The following FAM78A variants were observed in gnomAD, a reference collection of about 807,000 sequenced individuals.
FAM78A encodes the protein family with sequence similarity 78 member A, also known as protein FAM78A.
In FAM78A, 12 loss-of-function variants were observed where a neutral mutation model predicts 22.6. The ratio of observed to expected loss-of-function variants is 0.53; its 90% CI spans 0.34 to 0.86. The LOEUF (loss-of-function observed/expected upper bound fraction) is 0.86. Ranked by LOEUF, FAM78A falls within the 40% of genes least tolerant of loss-of-function variation. The pLI is 0.02. For missense variants in FAM78A, 322 were observed against 396.1 expected, an observed-to-expected ratio of 0.81 and a Z score of 1.59; for synonymous variants, 151 against 155.8, an observed-to-expected ratio of 0.97 and a Z score of 0.23.
upstream of FAM78A, among the ~76,000 whole-genome samples, chr9:131,277,122 G>T (rs1261271273): frequency 1.3e-5 from 2 of 150,152 alleles, no homozygotes; most frequent in Non-Finnish European, 3.0e-5. This position sits in a 1 kb window ranked among gnomAD's most constrained non-coding sequence, Gnocchi z 8.4. Context: ...CGCCCGCCCC[G>T]TCAGTGGCGG....
rs1346051596 is a variant in FAM78A at position 131,276,264 on chromosome 9, A to C, written c.-85T>G. ...CAAGACCGATATCCATAGGATAGAA[A>C]ACTCACTGAGTAGACTGGGGTTGCA... On this transcript the variant is annotated 5_prime_UTR_variant, in exon 1 of 2. Coordinates refer to ENST00000372271, the MANE Select transcript of FAM78A (RefSeq NM_033387.4). The surrounding 1 kb of genome is among the most constrained non-coding windows in gnomAD (Gnocchi z 4.3). 6.8e-6 allele frequency: 8 copies of C among 1,173,956 alleles called. No individual in the cohort carries two copies. In the East Asian group the frequency reaches 2.0e-4, roughly 29 times the overall value. 72.7% of individuals were successfully genotyped at this position (1,173,956 alleles called of 1,614,324 possible).
At position 131,261,338 on chromosome 9, in the gene FAM78A, C is replaced by T; in HGVS notation, c.336G>A (p.Glu112=). 6.3e-7 allele frequency: 1 copy of T among 1,587,552 alleles called. No individual in the cohort carries two copies. The highest frequency in any genetic ancestry group is 8.5e-7 in the Non-Finnish European group (1 of 1,173,236). ...TCTTGCCCTCCTGGAGGTCGGGGAGCTCCCAGCTGGACCTGAGGACAAGGA... is the reference window on the plus strand; with the variant it reads ...TCTTGCCCTCCTGGAGGTCGGGGAGTTCCCAGCTGGACCTGAGGACAAGGA... ...QYGEQGMSSW[E]LPDLQEGKIQ... is the part of the protein sequence containing the mutation. The change falls in exon 2 of 2, where the codon GAG becomes GAA. Residue 112 remains glutamate (E), a synonymous_variant. Coordinates refer to ENST00000372271, the MANE Select transcript of FAM78A (RefSeq NM_033387.4). This position sits in a 1 kb window ranked among gnomAD's most constrained non-coding sequence, Gnocchi z 7.1.
intron 1 of FAM78A, among the ~76,000 whole-genome samples, chr9:131,269,809 C>T (rs1055884154): frequency 2.0e-5 from 3 of 152,054 alleles, no homozygotes; most frequent in Admixed American, 6.6e-5. Context: ...TTCTCCCCTT[C>T]GCGTGATCAT....
chr9:131,264,307 C>A, intron 1 of FAM78A: 1 of 437,404 alleles, frequency 2.3e-6, no homozygotes, highest in Non-Finnish European at 4.1e-6. Context: ...CTGGCTCAGG[C>A]AAAGACAGGT....
rs74653616 is a variant in FAM78A, at chr9:131,260,300, C to A, written c.*522G>T. The A allele has an allele frequency of 0.035, 5,423 of 153,176 alleles. 329 individuals are homozygous for A. Among genetic ancestry groups the A allele is most frequent in the African/African-American group, 0.12 (5,170 of 41,504 alleles). 9.5% of individuals were successfully genotyped at this position (153,176 alleles called of 1,614,324 possible). ...TTTCTCCGATTGGTTTTCTTCCTTT[C>A]AATTCAGCTTAAGGCAAAAGTTTGG... On this transcript the variant is annotated 3_prime_UTR_variant, in exon 2 of 2. Coordinates refer to ENST00000372271, the MANE Select transcript of FAM78A (RefSeq NM_033387.4). This position sits in a 1 kb window ranked among gnomAD's most constrained non-coding sequence, Gnocchi z 5.4.
chr9:131,262,243 A>G (rs773062801), intron 1 of FAM78A, among the ~76,000 whole-genome samples: 1 of 150,884 alleles, frequency 6.6e-6, no homozygotes, highest in Admixed American at 6.6e-5. Context: ...GGCAGGAGAC[A>G]GAGGTTGCAG....
At position 131,260,911 on chromosome 9, in the gene FAM78A, C is replaced by T; in HGVS notation, c.763G>A (p.Val255Ile). Residue 255 changes from valine to isoleucine, a missense_variant, in exon 2 of 2, where the codon GTC (valine) becomes ATC (isoleucine). By Grantham distance (29) the Val-to-Ile change is conservative (BLOSUM62 3). Coordinates refer to ENST00000372271, the MANE Select transcript of FAM78A (RefSeq NM_033387.4). This position sits in a 1 kb window ranked among gnomAD's most constrained non-coding sequence, Gnocchi z 5.4. ...KNEPIPPSAL[V>I]KPNANDAQVL... is the part of the protein sequence containing the mutation. The stretch of plus-strand genomic sequence containing the variant: ...TGGGCATCGTTGGCATTGGGCTTGA[C>T]CAGGGCGCTGGGCGGGATGGGCTCA... The T allele has an allele frequency of 6.3e-7, 1 of 1,584,858 alleles. No individual in the cohort carries two copies. Among genetic ancestry groups the T allele is most frequent in the South Asian group, 1.1e-5 (1 of 87,480 alleles).
At chr9:131,264,725 C>CTTTT (rs1564236515) in intron 1 of FAM78A, 5 of 431,882 alleles carry the variant, frequency 1.2e-5, no homozygotes, top group Non-Finnish European at 1.7e-5. Context: ...CCTTTTCTGA[C>CTTTT]CTTTTTTTTT....
In FAM78A at chr9:131,258,098, T is replaced by C. The variant is rs1401456828; in HGVS notation, c.*2724A>G. The C allele has an allele frequency of 6.6e-6, 1 of 151,022 alleles. No homozygotes were observed. The highest frequency in any genetic ancestry group is 1.5e-5 in the Non-Finnish European group (1 of 67,866). The allele number at this position is 151,022 out of a possible 1,614,324, so 9.4% of individuals were successfully genotyped here. On this transcript the variant is annotated 3_prime_UTR_variant, in exon 2 of 2. Transcript: ENST00000372271. ...AAGCCTACTTTAAAATTACATTTTA[T>C]TTCTCTTTATGAATATTTGCTTTTT...
At position 131,276,342 on chromosome 9, in the gene FAM78A, G is replaced by C. The variant is rs150002250; in HGVS notation, c.-163C>G. 7.6e-4 allele frequency: 440 copies of C among 575,578 alleles called. 2 individuals carry two copies. Among genetic ancestry groups the C allele is most frequent in the African/African-American group, 7.4e-3 (394 of 53,554 alleles). 35.7% of individuals were successfully genotyped at this position (575,578 alleles called of 1,614,324 possible). On this transcript the variant is annotated 5_prime_UTR_variant, in exon 1 of 2. Coordinates refer to ENST00000372271, the MANE Select transcript of FAM78A (RefSeq NM_033387.4). This position sits in a 1 kb window ranked among gnomAD's most constrained non-coding sequence, Gnocchi z 4.3. ...ATAAGGATTCTGCTGCATTTCATGA[G>C]CCCTGGGCTCTCTCTTCTTCTCCTC...
intron 1 of FAM78A, among the ~76,000 whole-genome samples, chr9:131,268,051 C>CAAA (rs397894549): frequency 3.8e-5 from 2 of 52,384 alleles, no homozygotes; most frequent in African/African-American, 1.1e-4. Context: ...GACTCTGTCT[C>CAAA]AAAAAAAAAA....
Position 131,258,145 on chromosome 9 carries a change from G to T in FAM78A, c.*2677C>A, listed in dbSNP as rs1172839730. 1 of 150,514 alleles carries T rather than the reference G, an allele frequency of 6.6e-6. No homozygotes were observed. Among genetic ancestry groups the T allele is most frequent in the Non-Finnish European group, 1.5e-5 (1 of 66,912 alleles). 9.3% of individuals were successfully genotyped at this position (150,514 alleles called of 1,614,324 possible). ...TTTTGTTTTTTGTAAAAAAAAAAAG[G>T]TTCATTGTACATCTTCTTCAAGAGT... On this transcript the variant is annotated 3_prime_UTR_variant, in exon 2 of 2. Coordinates refer to ENST00000372271, the MANE Select transcript of FAM78A (RefSeq NM_033387.4).
rs1278668852 is a variant in FAM78A at position 131,260,832 on chromosome 9, T to C, written c.842A>G (p.Lys281Arg). 3 of 1,517,926 alleles carry C rather than the reference T, an allele frequency of 2.0e-6. No homozygotes were observed. The highest frequency in any genetic ancestry group is 2.6e-6 in the Non-Finnish European group (3 of 1,133,656). 94.0% of individuals were successfully genotyped at this position (1,517,926 alleles called of 1,614,324 possible). A position where few individuals can be genotyped will look rare whatever the true frequency, so the allele number is the denominator to read the frequency against. Reference protein sequence around the residue: ...YGQPLVVIPPKHR With the variant: ...YGQPLVVIPPRHR ...GGGTGGTCCTGGCTGTCACCGGTGCTTGGGCGGGATCACCACCAGCGGCTG... is the reference window on the plus strand; with the variant it reads ...GGGTGGTCCTGGCTGTCACCGGTGCCTGGGCGGGATCACCACCAGCGGCTG... The change falls in exon 2 of 2, where the codon AAG becomes AGG. Residue 281 changes from lysine to arginine, a missense_variant. By Grantham distance (26) the Lys-to-Arg change is conservative (BLOSUM62 2). Transcript: ENST00000372271. The surrounding 1 kb of genome is among the most constrained non-coding windows in gnomAD (Gnocchi z 5.4).
chr9:131,275,349 G>C lies in FAM78A; in HGVS notation c.323+508C>G, dbSNP rs1238378080. 1.3e-5 allele frequency among the ~76,000 whole-genome samples: 2 copies of C among 152,256 alleles called. No individual in the cohort carries two copies. The highest frequency in any genetic ancestry group is 2.9e-5 in the Non-Finnish European group (2 of 68,048). On this transcript the variant is annotated intron_variant, in intron 1 of 1. Transcript: ENST00000372271. This position sits in a 1 kb window ranked among gnomAD's most constrained non-coding sequence, Gnocchi z 4.6. ...TTTGGAACGGGGAAGCACTCCCCCA[G>C]CTCCTGGCATACACTGGTAAAAGCC... is the stretch of plus-strand genomic sequence containing the variant.
At chr9:131,270,638 C>T (rs1256221134) in intron 1 of FAM78A, 1 of 658,372 alleles carries the variant, frequency 1.5e-6, no homozygotes, top group African/African-American at 1.8e-5. Context: ...TTGCCTCCGC[C>T]AGGGCCCAGC....
At chr9:131,267,938 G>T (rs1023099482) in intron 1 of FAM78A, among the ~76,000 whole-genome samples, 1 of 151,864 alleles carries the variant, frequency 6.6e-6, no homozygotes, top group Non-Finnish European at 1.5e-5. Flanking sequence ...TGTAGTCCCA[G>T]CTACTTGGGA....
upstream of FAM78A, among the ~76,000 whole-genome samples, chr9:131,276,907 G>GGCC (rs1376010088): frequency 6.7e-6 from 1 of 149,122 alleles, no homozygotes; most frequent in Admixed American, 6.7e-5. This position sits in a 1 kb window ranked among gnomAD's most constrained non-coding sequence, Gnocchi z 4.3. Flanking sequence ...GCTGCGCTCC[G>GGCC]GCCGCCGCCG....
At position 131,276,282 on chromosome 9, in the gene FAM78A, G is replaced by C; in HGVS notation, c.-103C>G. 1 of 927,456 alleles carries C rather than the reference G, an allele frequency of 1.1e-6. No individual in the cohort carries two copies. The highest frequency in any genetic ancestry group is 2.8e-5 in the Admixed American group (1 of 36,082). 57.5% of individuals were successfully genotyped at this position (927,456 alleles called of 1,614,324 possible). A position where few individuals can be genotyped will look rare whatever the true frequency, so the allele number is the denominator to read the frequency against. The stretch of plus-strand genomic sequence containing the variant: ...GATAGAAAACTCACTGAGTAGACTG[G>C]GGTTGCATATATCACTACCGCGGCC... On this transcript the variant is annotated 5_prime_UTR_variant, in exon 1 of 2. Coordinates refer to ENST00000372271, the MANE Select transcript of FAM78A (RefSeq NM_033387.4). The surrounding 1 kb of genome is among the most constrained non-coding windows in gnomAD (Gnocchi z 4.3).
At chr9:131,267,591 G>T (rs1266907970) in intron 1 of FAM78A, among the ~76,000 whole-genome samples, 1 of 152,160 alleles carries the variant, frequency 6.6e-6, no homozygotes, top group African/African-American at 2.4e-5. Flanking sequence ...GGTTGGATAT[G>T]CTATATATAC....
Sources: allele counts gnomAD v4.1 joint callset (sites outside exome capture counted in the v4.1 genomes callset), GRCh38; gene constraint gnomAD v4.1.1; non-coding constraint Gnocchi (gnomAD v3.1); transcripts MANE v1.5; gene names NCBI Gene and HGNC (gene_info 2026-07-23, HGNC 2026-07-21).